The following VPS51 variants were observed in gnomAD, a reference collection of about 807,000 sequenced individuals.
VPS51 encodes vacuolar protein sorting-associated protein 51 homolog.
Under a neutral mutation model 65.1 loss-of-function variants are expected in VPS51, and 55 were observed. The observed-to-expected ratio is 0.84, with a 90% confidence interval of 0.68 to 1.06. The LOEUF is 1.06. Ranked by LOEUF, VPS51 falls within the 50% of genes least tolerant of loss-of-function variation. The pLI is 0.00. For synonymous variants in VPS51, 473 were observed against 489.5 expected (o/e 0.97, Z 0.44); for missense variants, 943 against 1,101.6 (o/e 0.86, Z 2.04).
At chr11:65,097,672 G>A (rs917845992) in intron 2 of VPS51, among the ~76,000 whole-genome samples, 2 of 151,890 alleles carry the variant, frequency 1.3e-5, no homozygotes, top group Non-Finnish European at 2.9e-5. Flanking sequence ...GAAATATAGT[G>A]GGACTCCATC....
intron 2 of VPS51, 76 bp downstream of exon 2, chr11:65,097,203 G>T: frequency 5.0e-6 from 8 of 1,587,090 alleles, no homozygotes; most frequent in Non-Finnish European, 6.9e-6. Flanking sequence ...AACCAGCAAG[G>T]GATTTAGAGG....
At chr11:65,105,697 C>A (rs1947837147) in intron 2 of VPS51, among the ~76,000 whole-genome samples, 5 of 152,218 alleles carry the variant, frequency 3.3e-5, no homozygotes, top group Admixed American at 3.3e-4. Context: ...CTAGTTCAGT[C>A]CCAAATCTGC....
chr11:65,111,702 C>G lies in VPS51; in HGVS notation c.*115C>G, dbSNP rs1266519253. 7.1e-7 allele frequency: 1 copy of G among 1,409,042 alleles called. No individual in the cohort carries two copies. Among genetic ancestry groups the G allele is most frequent in the African/African-American group, 1.4e-5 (1 of 69,238 alleles). The allele number at this position is 1,409,042 out of a possible 1,614,324, so 87.3% of individuals were successfully genotyped here. ...GGACCGGCCTAATAAACATGTGTGG[C>G]CTCCTCCTCTCGCTTGCTGGGCGGG... On this transcript the variant is annotated 3_prime_UTR_variant, in exon 10 of 10. Coordinates refer to ENST00000279281, the MANE Select transcript of VPS51 (RefSeq NM_013265.4).
At position 65,111,736 on chromosome 11, in the gene VPS51, G is replaced by A; in HGVS notation, c.*149G>A. The stretch of plus-strand genomic sequence containing the variant: ...CTCGCTTGCTGGGCGGGCCTTTCCG[G>A]GGGCGGGGTTTTGAAGCTGAGGCTT... On this transcript the variant is annotated 3_prime_UTR_variant, in exon 10 of 10. Coordinates refer to ENST00000279281, the MANE Select transcript of VPS51 (RefSeq NM_013265.4). 7.4e-7 allele frequency: 1 copy of A among 1,343,428 alleles called. No homozygotes were observed. The highest frequency in any genetic ancestry group is 1.5e-5 in the South Asian group (1 of 65,452). 83.2% of individuals were successfully genotyped at this position (1,343,428 alleles called of 1,614,324 possible). A position where few individuals can be genotyped will look rare whatever the true frequency, so the allele number is the denominator to read the frequency against.
chr11:65,109,939 GC>G lies in VPS51; in HGVS notation c.1878+18del. On this transcript the variant is annotated intron_variant, in intron 7 of 9. Transcript: ENST00000279281. ...CGACGTGCAGGTGCTGCCCAGGCTG[GC>G]CGGGGTAGCCCTGACGCAGGCTGGG... 1 of 1,576,852 alleles carries G rather than the reference GC, an allele frequency of 6.3e-7. No individual in the cohort carries two copies.
At chr11:65,099,261 G>T (rs1388294456) in intron 2 of VPS51, among the ~76,000 whole-genome samples, 1 of 152,188 alleles carries the variant, frequency 6.6e-6, no homozygotes, top group Admixed American at 6.6e-5. Context: ...CCTCAGGAAG[G>T]AGGGGGGTGG....
intron 8 of VPS51, 41 bp from the exon 9 acceptor site, chr11:65,110,653 G>A: frequency 1.7e-5 from 27 of 1,614,124 alleles, no homozygotes; most frequent in Non-Finnish European, 2.3e-5. Context: ...AGAGGGCGAG[G>A]GTGCAGGGCG....
At chr11:65,109,986 G>A (rs1200482745) in intron 7 of VPS51, 63 bp downstream of exon 7, 9 of 1,485,124 alleles carry the variant, frequency 6.1e-6, no homozygotes, top group Non-Finnish European at 9.0e-7. Flanking sequence ...CTTCAAGAGG[G>A]GCTGGGGCAG....
At position 65,110,639 on chromosome 11, in the gene VPS51, C is replaced by A. The variant is rs954408025; in HGVS notation, c.2000+36C>A. ...TCAGGGGAGCCCCAGGGGGAAGGGA[C>A]AAAAGAGGGCGAGGGTGCAGGGCGG... On this transcript the variant is annotated intron_variant, in intron 8 of 9. Transcript: ENST00000279281. 3 of 1,614,102 alleles carry A rather than the reference C, an allele frequency of 1.9e-6. No homozygotes were observed. In the South Asian group the frequency reaches 3.3e-5, roughly 18 times the overall value.
rs375414539 is a variant in VPS51 at position 65,109,965 on chromosome 11, G to A, written c.1878+42G>A. On this transcript the variant is annotated intron_variant, in intron 7 of 9. Transcript: ENST00000279281. Reference sequence around the variant, plus strand: ...CCGGGGTAGCCCTGACGCAGGCTGGGGGTACTGTCCCTTCAAGAGGGGCTG... The same window carrying A: ...CCGGGGTAGCCCTGACGCAGGCTGGAGGTACTGTCCCTTCAAGAGGGGCTG... 6.5e-7 allele frequency: 1 copy of A among 1,540,794 alleles called. No individual in the cohort carries two copies. The highest frequency in any genetic ancestry group is 8.7e-7 in the Non-Finnish European group (1 of 1,145,548).
Position 65,110,708 on chromosome 11 carries a change from C to T in VPS51, c.2015C>T (p.Thr672Ile), listed in dbSNP as rs1337465491. The T allele has an allele frequency of 1.2e-6, 2 of 1,614,178 alleles. No homozygotes were observed. The highest frequency in any genetic ancestry group is 1.1e-5 in the South Asian group (1 of 91,090). Residue 672 changes from threonine (T) to isoleucine (I), a missense_variant, in exon 9 of 10, where the codon ACC becomes ATC. By Grantham distance (89) the Thr-to-Ile change is moderately conservative (BLOSUM62 -1). Coordinates refer to ENST00000279281, the MANE Select transcript of VPS51 (RefSeq NM_013265.4). ...CCCCAATCCAGTGCCCCGATGGACACCAACCTCTTGAGCAATATCCAGAAG... is the reference window on the plus strand; with the variant it reads ...CCCCAATCCAGTGCCCCGATGGACATCAACCTCTTGAGCAATATCCAGAAG... The part of the protein sequence containing the change: ...PSYTPSAPMD[T>I]NLLSNIQKLF...
In VPS51 at chr11:65,107,315, G is replaced by A. The variant is rs1240154524; in HGVS notation, c.359-266G>A. The A allele has an allele frequency of 5.0e-6, 3 of 604,688 alleles. No individual in the cohort carries two copies. The East Asian group carries it at 1.0e-4, about 21-fold the overall frequency. 37.5% of individuals were successfully genotyped at this position (604,688 alleles called of 1,614,324 possible). ...GCACCTGCGGCCTGCTTCGGATCTG[G>A]ACTAATTCTGAGGGCCGGCTCTCCT... On this transcript the variant is annotated intron_variant, in intron 2 of 9. Coordinates refer to ENST00000279281, the MANE Select transcript of VPS51 (RefSeq NM_013265.4). The surrounding 1 kb of genome is among the most constrained non-coding windows in gnomAD (Gnocchi z 4.0).
intron 2 of VPS51, among the ~76,000 whole-genome samples, chr11:65,099,868 C>T (rs533449716): frequency 1.4e-4 from 21 of 152,012 alleles, no homozygotes; most frequent in African/African-American, 2.7e-4. Flanking sequence ...TCTGAGAGGC[C>T]GAGACGGGTG....
intron 5 of VPS51, 37 bp downstream of exon 5, chr11:65,108,951 T>G (rs759098381): frequency 1.3e-6 from 2 of 1,595,240 alleles, no homozygotes; most frequent in Non-Finnish European, 8.6e-7. Flanking sequence ...TTCAACCTGC[T>G]GGTTGACCCT....
rs760576323 is a variant in VPS51 at position 65,111,612 on chromosome 11, C to G, written c.*25C>G. 1 of 1,589,996 alleles carries G rather than the reference C, an allele frequency of 6.3e-7. No homozygotes were observed. Among genetic ancestry groups the G allele is most frequent in the Non-Finnish European group, 8.5e-7 (1 of 1,173,562 alleles). ...GGCGCAGCCGCTGCCATGCACCGGT[C>G]TGTCCCTGCACCCCATGGCACCCAG... On this transcript the variant is annotated 3_prime_UTR_variant, in exon 10 of 10. Coordinates refer to ENST00000279281, the MANE Select transcript of VPS51 (RefSeq NM_013265.4).
chr11:65,096,827 C>T (rs1947773698), intron 1 of VPS51, 171 bp from the exon 2 acceptor site: 3 of 996,560 alleles, frequency 3.0e-6, no homozygotes, highest in Non-Finnish European at 4.4e-6. Flanking sequence ...ACCTAGTAAC[C>T]CCTGAGCTAG....
intron 2 of VPS51, among the ~76,000 whole-genome samples, chr11:65,106,615 G>A (rs1240557603): frequency 6.6e-6 from 1 of 152,140 alleles, no homozygotes; most frequent in African/African-American, 2.4e-5. Context: ...GCTGGGTGTG[G>A]TGGCAGGCAC....
Position 65,111,860 on chromosome 11 carries a change from A to T in VPS51, c.*273A>T. 4 of 1,001,932 alleles carry T rather than the reference A, an allele frequency of 4.0e-6. No homozygotes were observed. The highest frequency in any genetic ancestry group is 6.0e-6 in the Non-Finnish European group (4 of 668,356). The allele number at this position is 1,001,932 out of a possible 1,614,324, so 62.1% of individuals were successfully genotyped here. ...GGTTCCACTTAAAAACCCTGGGACG[A>T]GAGCGGTCCTTGTCTGCGTTCCGTG... On this transcript the variant is annotated 3_prime_UTR_variant, in exon 10 of 10. Coordinates refer to ENST00000279281, the MANE Select transcript of VPS51 (RefSeq NM_013265.4).
At chr11:65,108,077 T>C in intron 4 of VPS51, 55 bp downstream of exon 4, 2 of 1,493,270 alleles carry the variant, frequency 1.3e-6, no homozygotes, top group East Asian at 4.9e-5. Context: ...GCCCCATCTG[T>C]GCCCGGCTCC....
Sources: gnomAD v4.1 joint callset for allele counts (sites outside exome capture counted in the v4.1 genomes callset) on GRCh38, gnomAD v4.1.1 for gene constraint, Gnocchi (gnomAD v3.1) non-coding constraint, MANE v1.5 for transcripts, NCBI Gene and HGNC (gene_info 2026-07-23, HGNC 2026-07-21) for gene names.